The following GABRB1 variants were observed in gnomAD, a reference collection of about 807,000 sequenced individuals.
The protein encoded by GABRB1 is gamma-aminobutyric acid receptor subunit beta-1.
A neutral mutation model predicts 51.6 loss-of-function variants in GABRB1; 17 were observed. That is an observed-to-expected ratio of 0.33 (90% CI 0.23 to 0.49). GABRB1 has a LOEUF of 0.49. Among genes scored for constraint, GABRB1 ranks in the 20% least tolerant of loss-of-function variants. The probability of loss-of-function intolerance (pLI) is 0.99; values close to 1 mark genes in which losing one functional copy is unlikely to be tolerated. For missense variants in GABRB1, 410 were observed against 600.6 expected (o/e 0.68, Z 3.32); for synonymous variants, 247 against 218.9 (o/e 1.13, Z -1.14).
intron 4 of GABRB1, among the ~76,000 whole-genome samples, chr4:47,171,536 A>G (rs1305282672): frequency 6.6e-6 from 1 of 152,068 alleles, no homozygotes; most frequent in Non-Finnish European, 1.5e-5. Flanking sequence ...GATTTTTGCC[A>G]CAACTGCACA....
intron 4 of GABRB1, among the ~76,000 whole-genome samples, chr4:47,284,367 G>T (rs934421992): frequency 2.0e-5 from 3 of 152,096 alleles, no homozygotes; most frequent in African/African-American, 7.2e-5. Context: ...AATAAACCAA[G>T]AAAAGCTCTG....
intron 4 of GABRB1, among the ~76,000 whole-genome samples, chr4:47,292,648 G>A (rs1245388410): frequency 6.6e-6 from 1 of 152,196 alleles, no homozygotes; most frequent in Non-Finnish European, 1.5e-5. Context: ...TTGGGGCTGT[G>A]GTAAGAGACT....
intron 3 of GABRB1, among the ~76,000 whole-genome samples, chr4:47,102,684 A>AT (rs1714772991): frequency 6.6e-6 from 1 of 152,022 alleles, no homozygotes; most frequent in African/African-American, 2.4e-5. Flanking sequence ...TGGCTGGAAC[A>AT]TAAAGGGCCT....
intron 5 of GABRB1, among the ~76,000 whole-genome samples, chr4:47,362,014 G>T (rs558429952): frequency 6.6e-6 from 1 of 152,226 alleles, no homozygotes; most frequent in Admixed American, 6.5e-5. Flanking sequence ...GAAAATGAAT[G>T]AGAAGAGAGG....
At chr4:47,237,233 A>T (rs1273562418) in intron 4 of GABRB1, among the ~76,000 whole-genome samples, 1 of 152,040 alleles carries the variant, frequency 6.6e-6, no homozygotes, top group Non-Finnish European at 1.5e-5. Flanking sequence ...AAACAAATAA[A>T]ACCTTGGTGG....
At chr4:47,320,988 G>A (rs1278064203) in intron 5 of GABRB1, among the ~76,000 whole-genome samples, 1 of 152,072 alleles carries the variant, frequency 6.6e-6, no homozygotes, top group East Asian at 1.9e-4. Context: ...CCAGGATGGC[G>A]CTTTCTTAAC....
At chr4:47,073,215 G>C (rs1727412163) in intron 3 of GABRB1, among the ~76,000 whole-genome samples, 1 of 152,118 alleles carries the variant, frequency 6.6e-6, no homozygotes. Flanking sequence ...CTGGAAAGAA[G>C]GAAAACAGCA....
At chr4:47,194,878 C>G (rs1448473559) in intron 4 of GABRB1, among the ~76,000 whole-genome samples, 1 of 152,078 alleles carries the variant, frequency 6.6e-6, no homozygotes, top group Non-Finnish European at 1.5e-5. Context: ...GTCATGAGAC[C>G]CAGGCAGAGG....
intron 3 of GABRB1, among the ~76,000 whole-genome samples, chr4:47,134,779 G>A (rs1431470811): frequency 6.6e-6 from 1 of 152,092 alleles, no homozygotes; most frequent in South Asian, 2.1e-4. Flanking sequence ...AAAAGTTTTG[G>A]CTGGATATAC....
intron 5 of GABRB1, among the ~76,000 whole-genome samples, chr4:47,386,793 G>A (rs1017289184): frequency 6.6e-6 from 1 of 152,146 alleles, no homozygotes; most frequent in Non-Finnish European, 1.5e-5. Context: ...GGGCAATATA[G>A]TAACCCCACA....
chr4:47,044,681 T>C (rs1726008395), intron 3 of GABRB1, among the ~76,000 whole-genome samples: 2 of 152,120 alleles, frequency 1.3e-5, no homozygotes, highest in African/African-American at 4.8e-5. Flanking sequence ...ATAATGAATT[T>C]CTCCCTCTTT....
At chr4:47,004,528 TA>T (rs35197463) in intron 1 of GABRB1, among the ~76,000 whole-genome samples, 77 of 151,518 alleles carry the variant, frequency 5.1e-4, no homozygotes, top group African/African-American at 1.6e-3. Flanking sequence ...ATTAATACTT[TA>T]AAAAAAAAGA....
At chr4:47,305,739 T>A (rs1443406656) in intron 4 of GABRB1, among the ~76,000 whole-genome samples, 1 of 152,154 alleles carries the variant, frequency 6.6e-6, no homozygotes, top group Non-Finnish European at 1.5e-5. Context: ...AGATCATAAT[T>A]ATCACCCAGT....
intron 4 of GABRB1, among the ~76,000 whole-genome samples, chr4:47,309,954 T>G (rs889809866): frequency 6.6e-6 from 1 of 152,164 alleles, no homozygotes; most frequent in African/African-American, 2.4e-5. Context: ...CTACTGTGTA[T>G]CAAGCATTGA....
rs1329248063 is a variant in GABRB1, at chr4:47,365,312, T to TTTTG, written c.545-37996_545-37993dup. On this transcript the variant is annotated intron_variant, in intron 5 of 8. Transcript: ENST00000295454. ...TTCCAAATGATAGTCTGTTTCACTT[T>TTTTG]TTTGTTTGTTTGTCCTTTCAATATC... Among the ~76,000 whole-genome samples, 4 of 152,236 alleles carry TTTTG rather than the reference T, an allele frequency of 2.6e-5. No individual in the cohort carries two copies. In the East Asian group the frequency reaches 5.8e-4, roughly 22 times the overall value.
At chr4:47,156,372 G>A (rs1577958929) in intron 3 of GABRB1, among the ~76,000 whole-genome samples, 1 of 152,026 alleles carries the variant, frequency 6.6e-6, no homozygotes, top group Non-Finnish European at 1.5e-5. Context: ...TACCACTATT[G>A]ACATTTTGAA....
intron 3 of GABRB1, among the ~76,000 whole-genome samples, chr4:47,061,173 T>C (rs1726831982): frequency 1.3e-5 from 2 of 152,222 alleles, no homozygotes; most frequent in East Asian, 1.9e-4. Flanking sequence ...ACATCTGTAA[T>C]TGAACTGTCA....
intron 5 of GABRB1, among the ~76,000 whole-genome samples, chr4:47,341,637 A>T (rs1241839170): frequency 6.6e-6 from 1 of 152,190 alleles, no homozygotes; most frequent in Admixed American, 6.5e-5. Flanking sequence ...CACTTGATAT[A>T]TGAGAAATTA....
At chr4:47,013,725 C>A (rs1724653074) in intron 1 of GABRB1, among the ~76,000 whole-genome samples, 1 of 152,010 alleles carries the variant, frequency 6.6e-6, no homozygotes, top group Non-Finnish European at 1.5e-5. Context: ...CTTTGTTAAT[C>A]CTAGATTCTA....
Sources: allele counts gnomAD v4.1 joint callset (sites outside exome capture counted in the v4.1 genomes callset), GRCh38; gene constraint gnomAD v4.1.1; transcripts MANE v1.5; gene names NCBI Gene and HGNC (gene_info 2026-07-23, HGNC 2026-07-21).